The following LRIF1 variants were observed in gnomAD, a reference collection of about 807,000 sequenced individuals.
The protein encoded by LRIF1 is ligand-dependent nuclear receptor-interacting factor 1.
A neutral mutation model predicts 52.7 loss-of-function variants in LRIF1; 32 were observed. The observed-to-expected ratio is 0.61, with a 90% CI of 0.46 to 0.82. LRIF1 has a LOEUF of 0.82. Among genes scored for constraint, LRIF1 ranks in the 40% least tolerant of loss-of-function variants. LRIF1 has a pLI of 0.00. For synonymous variants in LRIF1, 323 were observed against 317.4 expected, an observed-to-expected ratio of 1.02 and a Z score of -0.19; for missense variants, 887 against 892.0, an observed-to-expected ratio of 0.99 and a Z score of 0.07.
chr1:110,955,179 G>T (rs1222517270), intron 1 of LRIF1, among the ~76,000 whole-genome samples: 1 of 152,142 alleles, frequency 6.6e-6, no homozygotes, highest in Non-Finnish European at 1.5e-5. Flanking sequence ...TTGCTAAATA[G>T]CATCTCATCT....
chr1:110,878,359 C>T, the LRIF1 span, among the ~76,000 whole-genome samples: 1 of 152,108 alleles, frequency 6.6e-6, no homozygotes, highest in East Asian at 1.9e-4. Context: ...GCCACAGGCT[C>T]TGTGTAGGAA....
the LRIF1 span, among the ~76,000 whole-genome samples, chr1:110,905,122 T>C: frequency 2.0e-5 from 3 of 152,072 alleles, no homozygotes; most frequent in Non-Finnish European, 4.4e-5. Context: ...CAAGGAAGCA[T>C]GTCTGCAGGA....
the LRIF1 span, among the ~76,000 whole-genome samples, chr1:110,930,419 G>C: frequency 2.6e-5 from 4 of 152,116 alleles, no homozygotes; most frequent in Non-Finnish European, 4.4e-5. Context: ...CAGCTGATCC[G>C]TTTGTGGTGA....
the LRIF1 span, among the ~76,000 whole-genome samples, chr1:110,889,176 G>A: frequency 6.6e-6 from 1 of 152,100 alleles, no homozygotes; most frequent in Non-Finnish European, 1.5e-5. Context: ...CTTACTCTAT[G>A]AGATATTTTG....
chr1:110,948,002 T>G lies in LRIF1; in HGVS notation c.2267A>C (p.Glu756Ala). Residue 756 changes from glutamate (E) to alanine (A), a missense_variant, in exon 4 of 4, where the codon GAA (glutamate) becomes GCA (alanine). Transcript: ENST00000369763. Reference sequence around the variant, plus strand: ...CTTACGCATTTCTTCAAGAGCTGCTTCTTTCTCTCTCAGCACCTGCTTAAG... The same window carrying G: ...CTTACGCATTTCTTCAAGAGCTGCTGCTTTCTCTCTCAGCACCTGCTTAAG... Reference protein sequence around the residue: ...RRLKQVLREKEAALEEMRKKM... With the variant: ...RRLKQVLREKAAALEEMRKKM... The G allele has an allele frequency of 6.3e-7, 1 of 1,597,314 alleles. No individual in the cohort carries two copies. Among genetic ancestry groups the G allele is most frequent in the Non-Finnish European group, 8.5e-7 (1 of 1,173,672 alleles).
At chr1:110,898,143 T>G in the LRIF1 span, among the ~76,000 whole-genome samples, 1 of 152,074 alleles carries the variant, frequency 6.6e-6, no homozygotes, top group African/African-American at 2.4e-5. Context: ...TTTGGGAGGC[T>G]GAGGCAGGCA....
chr1:110,950,285 A>G (rs1012867681), intron 2 of LRIF1, among the ~76,000 whole-genome samples, 162 bp from the exon 3 acceptor site: 4 of 152,248 alleles, frequency 2.6e-5, no homozygotes, highest in Non-Finnish European at 5.9e-5. Flanking sequence ...AAAACTGAAT[A>G]TAAGGAAGTA....
chr1:110,954,964 C>T (rs72689123), intron 1 of LRIF1, among the ~76,000 whole-genome samples: 32,925 of 152,144 alleles, frequency 0.22, 3,935 homozygotes, highest in East Asian at 0.36. Context: ...GCTTTCTTCT[C>T]AATGCATAAC....
At chr1:110,927,924 T>C in the LRIF1 span, among the ~76,000 whole-genome samples, 1,321 of 152,322 alleles carry the variant, frequency 8.7e-3, 21 homozygotes, top group African/African-American at 0.03. Flanking sequence ...TCTGAGTTCT[T>C]GAATACTTGA....
At chr1:110,938,247 A>T in the LRIF1 span, 1 of 152,252 alleles carries the variant, frequency 6.6e-6, no homozygotes, top group South Asian at 2.1e-4. Flanking sequence ...CCAGACAAAG[A>T]CACATGAAAA....
In LRIF1 at chr1:110,950,117, T is replaced by C; in HGVS notation, c.1603A>G (p.Asn535Asp). ...TTATCTGATGTTGATGCCATCTCAT[T>C]ATGGATCTGGAATTAGGAAAAGAAA... ...VFRDQEPKIH[N>D]EMASTSDKGA... The change falls in exon 3 of 4, where the codon AAT becomes GAT. Residue 535 changes from asparagine (N) to aspartate (D), a missense_variant. Coordinates refer to ENST00000369763, the MANE Select transcript of LRIF1 (RefSeq NM_018372.4). 1 of 1,609,064 alleles carries C rather than the reference T, an allele frequency of 6.2e-7. No homozygotes were observed. Among genetic ancestry groups the C allele is most frequent in the Non-Finnish European group, 8.5e-7 (1 of 1,177,250 alleles).
At chr1:110,886,867 A>AT in the LRIF1 span, among the ~76,000 whole-genome samples, 18 of 41,370 alleles carry the variant, frequency 4.4e-4, no homozygotes, top group African/African-American at 1.0e-3. Flanking sequence ...ATATATATAT[A>AT]TATTTTTTTT....
chr1:110,902,960 C>T, the LRIF1 span, among the ~76,000 whole-genome samples: 1 of 152,062 alleles, frequency 6.6e-6, no homozygotes, highest in Non-Finnish European at 1.5e-5. Flanking sequence ...TCTCTGGGTG[C>T]CGGGGGAGGG....
Position 110,948,199 on chromosome 1 carries a change from T to C in LRIF1, c.2070A>G (p.Glu690=). The change falls in exon 4 of 4, where the codon GAA becomes GAG. Residue 690 remains glutamate (E), a synonymous_variant. Coordinates refer to ENST00000369763, the MANE Select transcript of LRIF1 (RefSeq NM_018372.4). ...TATAGTATTCCATCTCAGTTCTCTT[T>C]TCTTGTCTGGTTTTGCTGTGACTCG... ...ILTSHSKTRQ[E]KRTEMEYYTH... 1 of 1,614,118 alleles carries C rather than the reference T, an allele frequency of 6.2e-7. No homozygotes were observed. The highest frequency in any genetic ancestry group is 8.5e-7 in the Non-Finnish European group (1 of 1,179,992).
At position 110,948,096 on chromosome 1, in the gene LRIF1, T is replaced by C. The variant is rs764081477; in HGVS notation, c.2173A>G (p.Thr725Ala). 5.0e-6 allele frequency: 8 copies of C among 1,614,122 alleles called. No individual in the cohort carries two copies. The South Asian group carries it at 6.6e-5, about 13-fold the overall frequency. Residue 725 changes from threonine (T) to alanine (A), a missense_variant, in exon 4 of 4, where the codon ACC (threonine) becomes GCC (alanine). Thr to Ala is a moderately conservative substitution (Grantham distance 58, BLOSUM62 0). Coordinates refer to ENST00000369763, the MANE Select transcript of LRIF1 (RefSeq NM_018372.4). ...GGTGTCACTGGGAAAATATCTTCGG[T>C]ATAATTTTTATTGAAGAAATGACTT... ...EQSHFFNKNY[T>A]EDIFPVTPPE...
chr1:110,910,620 A>C, the LRIF1 span, among the ~76,000 whole-genome samples: 3 of 152,142 alleles, frequency 2.0e-5, no homozygotes, highest in African/African-American at 7.2e-5. Context: ...AAAACAAAAC[A>C]AAACAAACCT....
chr1:110,946,651 C>CTTTT (rs1197301792), downstream of LRIF1, among the ~76,000 whole-genome samples: 32 of 80,878 alleles, frequency 4.0e-4, no homozygotes, highest in East Asian at 7.6e-4. Context: ...AGATTTGATC[C>CTTTT]TTTTTTTTTT....
At position 110,948,145 on chromosome 1, in the gene LRIF1, C is replaced by A. The variant is rs750077474; in HGVS notation, c.2124G>T (p.Leu708Phe). ...TTTGTTCATAAGCTGCATTTGAATT[C>A]AAAGTGCCTTTCTCTTGCTTCTCAT... The part of the protein sequence containing the change: ...YTHEKQEKGT[L>F]NSNAAYEQSH... The change falls in exon 4 of 4, where the codon TTG becomes TTT. Residue 708 changes from leucine (L) to phenylalanine (F), a missense_variant. Transcript: ENST00000369763. 6 of 1,614,052 alleles carry A rather than the reference C, an allele frequency of 3.7e-6. No individual in the cohort carries two copies. The South Asian group carries it at 6.6e-5, about 18-fold the overall frequency.
the LRIF1 span, among the ~76,000 whole-genome samples, chr1:110,898,698 T>G: frequency 6.6e-3 from 3 of 454 alleles, no homozygotes; most frequent in Non-Finnish European, 0.012. Context: ...TTTCTAACAT[T>G]TTTCTACCCA....
Sources: allele counts gnomAD v4.1 joint callset (sites outside exome capture counted in the v4.1 genomes callset), GRCh38; gene constraint gnomAD v4.1.1; transcripts MANE v1.5; gene names NCBI Gene and HGNC (gene_info 2026-07-23, HGNC 2026-07-21).